POLR1D: variants seen among roughly 807,000 people sequenced by gnomAD.
POLR1D encodes the protein DNA-directed RNA polymerases I and III subunit RPAC2.
A neutral mutation model predicts 10.8 loss-of-function variants in POLR1D; 8 were observed. The ratio of observed to expected loss-of-function variants is 0.74; its 90% CI spans 0.43 to 1.33. The LOEUF (loss-of-function observed/expected upper bound fraction) is 1.33, where lower values mean the gene tolerates loss of function less well. POLR1D is among the 40% of genes most tolerant of loss of function. POLR1D has a pLI of 0.01. For synonymous variants in POLR1D, 54 were observed against 57.2 expected (o/e 0.94, Z 0.25); for missense variants, 152 against 161.7 (o/e 0.94, Z 0.32).
At chr13:27,648,179 C>T (rs941374820) in intron 1 of POLR1D, 2 of 446,720 alleles carry the variant, frequency 4.5e-6, no homozygotes, top group African/African-American at 2.0e-5. Flanking sequence ...ATTTTTTTCT[C>T]TTCAATGTTG....
At chr13:27,627,850 A>G (rs546748281), downstream of POLR1D, among the ~76,000 whole-genome samples, 4 of 148,932 alleles carry the variant, frequency 2.7e-5, no homozygotes, top group African/African-American at 7.4e-5. Flanking sequence ...TAAGGAGGGC[A>G]TACTTGTAAG....
At chr13:27,625,040 G>C (rs1460116704), downstream of POLR1D, among the ~76,000 whole-genome samples, 5 of 145,700 alleles carry the variant, frequency 3.4e-5, no homozygotes, top group Non-Finnish European at 7.4e-5. Flanking sequence ...GCTGTGCAAA[G>C]AGGAGAGAAA....
At chr13:27,631,020 C>T (rs1218323463) in intron 1 of POLR1D, among the ~76,000 whole-genome samples, 1 of 152,262 alleles carries the variant, frequency 6.6e-6, no homozygotes, top group Non-Finnish European at 1.5e-5. Context: ...TAAATCTTCA[C>T]ATGGCCTGTC....
At chr13:27,650,182 A>G (rs893798985) in intron 2 of POLR1D, 10 of 396,946 alleles carry the variant, frequency 2.5e-5, no homozygotes, top group Admixed American at 4.4e-5. Flanking sequence ...AATATTGCCA[A>G]GCAAGGAAGC....
intron 2 of POLR1D, chr13:27,650,368 TTTGA>T (rs764113715): frequency 3.7e-6 from 1 of 272,720 alleles, no homozygotes; most frequent in Non-Finnish European, 6.9e-6. Context: ...ATTACATAGG[TTTGA>T]TTGATGGATG....
chr13:27,622,603 A>C (rs968448934), intron 1 of POLR1D, among the ~76,000 whole-genome samples: 4 of 152,120 alleles, frequency 2.6e-5, no homozygotes, highest in African/African-American at 9.7e-5. Context: ...CTACCAAAAA[A>C]TATTTTTGCA....
At chr13:27,658,938 A>T (rs1483491055) in intron 2 of POLR1D, among the ~76,000 whole-genome samples, 2 of 152,234 alleles carry the variant, frequency 1.3e-5, no homozygotes, top group African/African-American at 4.8e-5. Flanking sequence ...TACTTGGAAA[A>T]GCTTATATTT....
chr13:27,650,799 A>T (rs1407991047), intron 2 of POLR1D: 1 of 152,216 alleles, frequency 6.6e-6, no homozygotes, highest in Non-Finnish European at 1.5e-5. Context: ...CACCTAAAAT[A>T]TGTTAAAATC....
chr13:27,663,598 G>A lies in POLR1D; in HGVS notation c.102-2088G>A, dbSNP rs575371358. On this transcript the variant is annotated intron_variant, in intron 2 of 2. Coordinates refer to the POLR1D transcript ENST00000399697. The surrounding 1 kb of genome is among the most constrained non-coding windows in gnomAD (Gnocchi z 4.1). ...TTAGTAGCAGGGCTTTGCTCACCTC[G>A]AGGAAGCATTTGGTTTTAAAGATGA... 2.6e-5 allele frequency among the ~76,000 whole-genome samples: 4 copies of A among 152,194 alleles called. No homozygotes were observed. The highest frequency in any genetic ancestry group is 4.4e-5 in the Non-Finnish European group (3 of 68,038).
At chr13:27,637,881 T>C (rs1361791687) in intron 1 of POLR1D, among the ~76,000 whole-genome samples, 2 of 152,060 alleles carry the variant, frequency 1.3e-5, no homozygotes, top group East Asian at 3.9e-4. Flanking sequence ...TCCTCCCCCA[T>C]CAGCCTCCTG....
At chr13:27,661,192 G>C (rs551478567) in intron 2 of POLR1D, among the ~76,000 whole-genome samples, 47 of 152,246 alleles carry the variant, frequency 3.1e-4, no homozygotes, top group East Asian at 5.8e-4. Flanking sequence ...GAGCCCACAG[G>C]TTTCAAAGTG....
chr13:27,644,880 T>A (rs938600206), intron 1 of POLR1D, among the ~76,000 whole-genome samples: 5 of 152,168 alleles, frequency 3.3e-5, no homozygotes, highest in Non-Finnish European at 5.9e-5. Context: ...ATAATTTAAG[T>A]TATTTTGCCC....
At chr13:27,642,071 C>A (rs1317449275) in intron 1 of POLR1D, among the ~76,000 whole-genome samples, 1 of 152,120 alleles carries the variant, frequency 6.6e-6, no homozygotes, top group Non-Finnish European at 1.5e-5. Context: ...TCTCAAAACA[C>A]AATTAGCATC....
chr13:27,659,906 G>GTATATATATATATATATATA (rs142807905), intron 2 of POLR1D, among the ~76,000 whole-genome samples: 299 of 145,116 alleles, frequency 2.1e-3, no homozygotes, highest in African/African-American at 7.3e-3. Flanking sequence ...TATCTCAGGT[G>GTATATATATATATATATATA]TATATATATA....
chr13:27,640,954 T>C (rs1392640827), intron 1 of POLR1D, among the ~76,000 whole-genome samples: 4 of 152,210 alleles, frequency 2.6e-5, no homozygotes, highest in Admixed American at 2.6e-4. Context: ...TACATTGTAC[T>C]AGGTATAATC....
At chr13:27,638,593 G>C (rs144558343) in intron 1 of POLR1D, among the ~76,000 whole-genome samples, 1 of 152,138 alleles carries the variant, frequency 6.6e-6, no homozygotes, top group African/African-American at 2.4e-5. Flanking sequence ...TGCTGAATCA[G>C]AGACTGAAAT....
At chr13:27,636,191 A>G (rs1049648583) in intron 1 of POLR1D, among the ~76,000 whole-genome samples, 6 of 151,478 alleles carry the variant, frequency 4.0e-5, no homozygotes, top group South Asian at 4.1e-4. Flanking sequence ...CTAAAATATT[A>G]TAATTATAAT....
chr13:27,622,200 G>A, intron 1 of POLR1D, 191 bp downstream of exon 1: 1 of 622,674 alleles, frequency 1.6e-6, no homozygotes, highest in South Asian at 1.9e-5. Context: ...TATCAAGGAG[G>A]GAAGACAAGT....
At chr13:27,625,318 CTA>C (rs1215082693), downstream of POLR1D, among the ~76,000 whole-genome samples, 1 of 151,898 alleles carries the variant, frequency 6.6e-6, no homozygotes, top group Non-Finnish European at 1.5e-5. Context: ...GAGAGAGACA[CTA>C]TAAAGAGTTG....
Sources: gnomAD v4.1 joint callset for allele counts (sites outside exome capture counted in the v4.1 genomes callset) on GRCh38, gnomAD v4.1.1 for gene constraint, Gnocchi (gnomAD v3.1) non-coding constraint, MANE v1.5 for transcripts, NCBI Gene and HGNC (gene_info 2026-07-23, HGNC 2026-07-21) for gene names.